Variants in CRB1 observed in about 807,000 individuals in gnomAD.
The protein encoded by CRB1 is protein crumbs homolog 1.
CRB1 carries 83 observed loss-of-function variants against 120.0 expected under a neutral mutation model. The observed-to-expected ratio is 0.69, with a 90% confidence interval of 0.58 to 0.83. The LOEUF is 0.83. Ranked by LOEUF, CRB1 falls within the 40% of genes least tolerant of loss-of-function variation. The pLI is 0.00. For missense variants in CRB1, 1,699 were observed against 1,687.6 expected, an observed-to-expected ratio of 1.01 and a Z score of -0.12; for synonymous variants, 625 against 612.5, an observed-to-expected ratio of 1.02 and a Z score of -0.30.
intron 5 of CRB1, among the ~76,000 whole-genome samples, chr1:197,386,798 A>G (rs1235488067): frequency 1.3e-5 from 2 of 152,130 alleles, no homozygotes; most frequent in African/African-American, 4.8e-5. Context: ...ATTTTCAGGG[A>G]TATGATATTA....
chr1:197,263,572 A>C (rs1374225331), upstream of CRB1, among the ~76,000 whole-genome samples: 1 of 151,970 alleles, frequency 6.6e-6, no homozygotes, highest in Non-Finnish European at 1.5e-5. Flanking sequence ...ATTTTGTTGC[A>C]CTTTAAATGT....
chr1:197,345,728 G>A (rs1447508579), intron 3 of CRB1, among the ~76,000 whole-genome samples: 3 of 151,860 alleles, frequency 2.0e-5, no homozygotes, highest in African/African-American at 7.3e-5. Flanking sequence ...GGCTGGTCTC[G>A]AACTCCTGAC....
chr1:197,437,073 C>T (rs957481816), intron 9 of CRB1, among the ~76,000 whole-genome samples: 6 of 151,966 alleles, frequency 3.9e-5, no homozygotes, highest in Admixed American at 2.0e-4. Flanking sequence ...CAACTTACAC[C>T]GCTTTAAATT....
At chr1:197,203,124 C>G in the CRB1 span, among the ~76,000 whole-genome samples, 2 of 152,066 alleles carry the variant, frequency 1.3e-5, no homozygotes, top group African/African-American at 4.8e-5. Context: ...CATTGATCAT[C>G]TCAATAGATG....
intron 1 of CRB1, among the ~76,000 whole-genome samples, chr1:197,276,741 A>G (rs1655228714): frequency 6.6e-6 from 1 of 151,920 alleles, no homozygotes; most frequent in South Asian, 2.1e-4. Context: ...ACATAACTGA[A>G]GTGGATTGAG....
intron 1 of CRB1, among the ~76,000 whole-genome samples, chr1:197,282,727 T>C (rs1655595366): frequency 6.6e-6 from 1 of 151,902 alleles, no homozygotes; most frequent in Non-Finnish European, 1.5e-5. Flanking sequence ...CATTTTATGT[T>C]CTCAATGTCT....
chr1:197,352,495 G>A (rs1285215941), intron 4 of CRB1, among the ~76,000 whole-genome samples: 1 of 152,124 alleles, frequency 6.6e-6, no homozygotes, highest in African/African-American at 2.4e-5. Context: ...AGTCCATTGT[G>A]GCACAACAAA....
Position 197,442,452 on chromosome 1 carries a change from G to A in CRB1, c.4005+160G>A, listed in dbSNP as rs1479843146. The stretch of plus-strand genomic sequence containing the variant: ...TGAACATTCCCAAATGAAAAAAAAA[G>A]CCATTGAATTTCAAGAAATGCCTTG... On this transcript the variant is annotated intron_variant, in intron 11 of 11. Coordinates refer to ENST00000367400, the MANE Select transcript of CRB1 (RefSeq NM_201253.3). 5.2e-6 allele frequency: 8 copies of A among 1,546,166 alleles called. No homozygotes were observed. In the Admixed American group the frequency reaches 1.4e-4, roughly 28 times the overall value.
At chr1:197,366,805 G>C (rs547427922) in intron 5 of CRB1, among the ~76,000 whole-genome samples, 2 of 152,110 alleles carry the variant, frequency 1.3e-5, no homozygotes, top group Non-Finnish European at 2.9e-5. Context: ...GTCTCATTTG[G>C]TAAGGTAATT....
At chr1:197,299,899 C>T (rs1377117652) in intron 1 of CRB1, among the ~76,000 whole-genome samples, 4 of 151,604 alleles carry the variant, frequency 2.6e-5, no homozygotes, top group Admixed American at 2.0e-4. Flanking sequence ...GTTTGTGTCT[C>T]GGTGTCACAT....
chr1:197,220,355 A>G, the CRB1 span, among the ~76,000 whole-genome samples: 1 of 152,200 alleles, frequency 6.6e-6, no homozygotes, highest in African/African-American at 2.4e-5. Context: ...AAGAAGTAAA[A>G]TAAAATGTGG....
In CRB1 at chr1:197,302,440, T is replaced by A. The variant is rs183910845; in HGVS notation, c.71-25982T>A. Among the ~76,000 whole-genome samples the A allele has an allele frequency of 7.9e-5, 12 of 152,326 alleles. 1 individual carries two copies. The East Asian group carries it at 2.1e-3, about 27-fold the overall frequency. On this transcript the variant is annotated intron_variant, in intron 1 of 11. Transcript: ENST00000367400. ...CATTTTGATATTTGCTTTATTACAGTAGTCTGGAACTGAACCTACAATATC... is the reference window on the plus strand; with the variant it reads ...CATTTTGATATTTGCTTTATTACAGAAGTCTGGAACTGAACCTACAATATC...
intron 8 of CRB1, among the ~76,000 whole-genome samples, chr1:197,430,034 T>C (rs538954546): frequency 6.6e-6 from 1 of 152,334 alleles, no homozygotes; most frequent in South Asian, 2.1e-4. Flanking sequence ...GAACACTTTC[T>C]ACTTCTTCGG....
At chr1:197,356,507 C>T (rs1660487621) in intron 4 of CRB1, among the ~76,000 whole-genome samples, 1 of 152,164 alleles carries the variant, frequency 6.6e-6, no homozygotes, top group South Asian at 2.1e-4. Flanking sequence ...TACAAATTCA[C>T]AAATGAGTAT....
intron 4 of CRB1, among the ~76,000 whole-genome samples, chr1:197,352,283 G>A (rs976273792): frequency 2.0e-5 from 3 of 152,152 alleles, no homozygotes; most frequent in Non-Finnish European, 4.4e-5. Flanking sequence ...AATCCCCACA[G>A]GGCCTCAGTG....
chr1:197,224,498 A>G, the CRB1 span, among the ~76,000 whole-genome samples: 1 of 152,162 alleles, frequency 6.6e-6, no homozygotes, highest in Non-Finnish European at 1.5e-5. Context: ...AGACACTAAC[A>G]TAGAATGCTG....
At chr1:197,292,316 A>G (rs1656235499) in intron 1 of CRB1, among the ~76,000 whole-genome samples, 1 of 152,176 alleles carries the variant, frequency 6.6e-6, no homozygotes, top group African/African-American at 2.4e-5. Context: ...TAGAAAATCT[A>G]GAAGAAATGG....
intron 1 of CRB1, among the ~76,000 whole-genome samples, chr1:197,299,450 T>A (rs1571794248): frequency 6.6e-6 from 1 of 152,172 alleles, no homozygotes. Context: ...GAAGTTATTT[T>A]ATAAATTTGA....
In CRB1 at chr1:197,421,934, T is replaced by A; in HGVS notation, c.2106T>A (p.Tyr702Ter). 3 of 1,614,090 alleles carry A rather than the reference T, an allele frequency of 1.9e-6. No homozygotes were observed. The highest frequency in any genetic ancestry group is 2.5e-6 in the Non-Finnish European group (3 of 1,180,032). The change falls in exon 6 of 12, where the codon TAT becomes TAA. Residue 702 changes from tyrosine to a stop codon, truncating the protein, a stop_gained. Transcript: ENST00000367400. LOFTEE classifies it high-confidence loss of function. ...LSYQCDCHRP[Y>*]EGPNCLREYV... Reference sequence around the variant, plus strand: ...ACCAGTGTGACTGCCACAGGCCCTATGAAGGCCCCAACTGTCTGAGAGGTG... The same window carrying A: ...ACCAGTGTGACTGCCACAGGCCCTAAGAAGGCCCCAACTGTCTGAGAGGTG...
Sources: gnomAD v4.1 joint callset for allele counts (sites outside exome capture counted in the v4.1 genomes callset) on GRCh38, gnomAD v4.1.1 for gene constraint, MANE v1.5 for transcripts, NCBI Gene and HGNC (gene_info 2026-07-23, HGNC 2026-07-21) for gene names.